Variants in FRMD4A observed in about 807,000 individuals in gnomAD.
FRMD4A encodes the protein FERM domain-containing protein 4A.
FRMD4A carries 29 observed loss-of-function variants against 129.1 expected under a neutral mutation model. The observed-to-expected ratio is 0.22, with a 90% CI of 0.17 to 0.31. The LOEUF (loss-of-function observed/expected upper bound fraction) is 0.31, where lower values mean the gene tolerates loss of function less well. Ranked by LOEUF, FRMD4A falls within the 10% of genes least tolerant of loss-of-function variation. The pLI is 1.00. For missense variants in FRMD4A, 1,272 were observed against 1,375.8 expected (o/e 0.92, Z 1.19); for synonymous variants, 634 against 571.6 (o/e 1.11, Z -1.56).
intron 2 of FRMD4A, among the ~76,000 whole-genome samples, chr10:13,864,569 CTTTCT>C (rs2094339759): frequency 6.7e-6 from 1 of 149,022 alleles, no homozygotes; most frequent in Non-Finnish European, 1.5e-5. Context: ...CTTCTTCCTT[CTTTCT>C]TTCTTTTTTT....
chr10:14,282,905 G>A (rs1470072166), intron 2 of FRMD4A, among the ~76,000 whole-genome samples: 1 of 152,324 alleles, frequency 6.6e-6, no homozygotes, highest in South Asian at 2.1e-4. Flanking sequence ...TCCATAGATT[G>A]TTGAGTCAGG....
chr10:14,063,160 T>A (rs936174231), intron 2 of FRMD4A, among the ~76,000 whole-genome samples: 6 of 138,036 alleles, frequency 4.3e-5, no homozygotes, highest in Non-Finnish European at 7.7e-5. Context: ...ACTATTTCTA[T>A]TGCAAGGAAT....
intron 2 of FRMD4A, among the ~76,000 whole-genome samples, chr10:14,107,206 G>A (rs918811284): frequency 2.0e-5 from 3 of 152,142 alleles, no homozygotes; most frequent in Non-Finnish European, 4.4e-5. Context: ...CCAGAGAGGG[G>A]AGAGAGGGAA....
intron 12 of FRMD4A, among the ~76,000 whole-genome samples, chr10:13,720,106 T>G (rs2089276845): frequency 6.6e-6 from 1 of 152,200 alleles, no homozygotes; most frequent in African/African-American, 2.4e-5. Flanking sequence ...TGTGGTGCAG[T>G]GGGGTGATCT....
chr10:14,178,146 G>C (rs1377934689), intron 2 of FRMD4A, among the ~76,000 whole-genome samples: 2 of 152,176 alleles, frequency 1.3e-5, no homozygotes, highest in African/African-American at 4.8e-5. Flanking sequence ...GTTCAATGAA[G>C]CCACTGCTGG....
intron 3 of FRMD4A, among the ~76,000 whole-genome samples, chr10:13,836,644 TCA>T (rs974807402): frequency 1.3e-5 from 2 of 151,890 alleles, no homozygotes; most frequent in Admixed American, 1.3e-4. Context: ...ACTGAAGAAG[TCA>T]CATACCCCAA....
intron 19 of FRMD4A, among the ~76,000 whole-genome samples, chr10:13,663,044 A>G (rs113992726): frequency 1.9e-5 from 1 of 51,410 alleles, no homozygotes; most frequent in Admixed American, 2.0e-4. Context: ...AAATACAAAA[A>G]TTGCCAGGTG....
chr10:13,946,926 C>T (rs188926437), intron 2 of FRMD4A, among the ~76,000 whole-genome samples: 1 of 152,240 alleles, frequency 6.6e-6, no homozygotes, highest in East Asian at 1.9e-4. Flanking sequence ...GGAAGGCAGA[C>T]ATGGGACAAA....
chr10:14,144,520 C>G (rs1430093580), intron 2 of FRMD4A, among the ~76,000 whole-genome samples: 1 of 152,120 alleles, frequency 6.6e-6, no homozygotes, highest in African/African-American at 2.4e-5. Context: ...ATTGGAAAAC[C>G]CTGATGAGTT....
intron 11 of FRMD4A, among the ~76,000 whole-genome samples, 188 bp downstream of exon 11, chr10:13,740,006 A>G (rs2090891402): frequency 6.6e-6 from 1 of 152,244 alleles, no homozygotes; most frequent in Non-Finnish European, 1.5e-5. Context: ...AGGCTGAGGT[A>G]GGAGAATCGC....
At chr10:13,934,270 T>G (rs2095229819) in intron 2 of FRMD4A, among the ~76,000 whole-genome samples, 1 of 152,206 alleles carries the variant, frequency 6.6e-6, no homozygotes, top group Admixed American at 6.5e-5. Flanking sequence ...CAGGTTCTAG[T>G]GAGGTGTAGA....
chr10:13,707,483 AG>A, intron 12 of FRMD4A: 1 of 1,015,056 alleles, frequency 9.9e-7, no homozygotes, highest in Non-Finnish European at 1.2e-6. Context: ...GGGACCCAGC[AG>A]GGAAGGCGGC....
intron 2 of FRMD4A, among the ~76,000 whole-genome samples, chr10:14,033,638 A>G (rs9645606): frequency 0.07 from 10,673 of 152,110 alleles, 514 homozygotes; most frequent in Non-Finnish European, 0.1. Context: ...TACAAAAATT[A>G]GCTGGGCATG....
chr10:13,771,983 G>A (rs1001012329), intron 6 of FRMD4A, among the ~76,000 whole-genome samples: 5 of 151,286 alleles, frequency 3.3e-5, no homozygotes, highest in South Asian at 2.1e-4. Flanking sequence ...GTGTGGTGTC[G>A]CATGCCCATA....
intron 2 of FRMD4A, among the ~76,000 whole-genome samples, chr10:14,055,026 C>A (rs1050259182): frequency 6.6e-6 from 1 of 152,040 alleles, no homozygotes; most frequent in East Asian, 1.9e-4. Flanking sequence ...AGAATGGACG[C>A]AAGAGAAGAA....
chr10:13,803,475 G>A (rs763181887), intron 4 of FRMD4A, among the ~76,000 whole-genome samples: 4 of 151,944 alleles, frequency 2.6e-5, no homozygotes, highest in Admixed American at 6.6e-5. Context: ...GGGACTACAG[G>A]TGCACACCAC....
intron 12 of FRMD4A, among the ~76,000 whole-genome samples, chr10:13,719,517 C>T (rs1425886493): frequency 4.6e-5 from 7 of 152,284 alleles, no homozygotes; most frequent in Non-Finnish European, 1.0e-4. Context: ...TGCCGATTCA[C>T]AGCCCAAGGC....
intron 15 of FRMD4A, among the ~76,000 whole-genome samples, chr10:13,678,813 G>A (rs1019769112): frequency 1.3e-5 from 2 of 152,138 alleles, no homozygotes; most frequent in Non-Finnish European, 2.9e-5. Context: ...AATATGGGGT[G>A]CACATTGATG....
intron 2 of FRMD4A, chr10:14,097,145 AAAAAAAAAAAAAAAAAAAAAAAG>A (rs1837013745): frequency 8.3e-6 from 1 of 120,322 alleles, no homozygotes; most frequent in Non-Finnish European, 1.7e-5. Flanking sequence ...CCATCTCAAA[AAAAAAAAAAAAAAAAAAAAAAAG>A]AAAAGAAAAG....
Sources: allele counts gnomAD v4.1 joint callset (sites outside exome capture counted in the v4.1 genomes callset), GRCh38; gene constraint gnomAD v4.1.1; transcripts MANE v1.5; gene names NCBI Gene and HGNC (gene_info 2026-07-23, HGNC 2026-07-21).